Variants in CEP112 observed in about 807,000 individuals in gnomAD.
CEP112 encodes centrosomal protein 112.
A neutral mutation model predicts 153.0 loss-of-function variants in CEP112; 127 were observed. The observed-to-expected ratio is 0.83, with a 90% CI of 0.72 to 0.96. CEP112 has a LOEUF of 0.96. Among genes scored for constraint, CEP112 ranks in the 40% least tolerant of loss-of-function variants. The probability of loss-of-function intolerance (pLI) is 0.00; values close to 1 mark genes in which losing one functional copy is unlikely to be tolerated. For missense variants in CEP112, 1,089 were observed against 1,101.2 expected (o/e 0.99, Z 0.16); for synonymous variants, 358 against 374.4 (o/e 0.96, Z 0.51).
chr17:65,682,686 T>C (rs1157130563), intron 24 of CEP112, among the ~76,000 whole-genome samples: 5 of 151,994 alleles, frequency 3.3e-5, no homozygotes, highest in Admixed American at 2.0e-4. Flanking sequence ...AAACGAACTT[T>C]CTGGTCTTGT....
intron 21 of CEP112, among the ~76,000 whole-genome samples, chr17:65,792,485 C>T (rs554909223): frequency 6.6e-6 from 1 of 151,850 alleles, no homozygotes; most frequent in Non-Finnish European, 1.5e-5. Flanking sequence ...CAATGCAGAA[C>T]AAGTTACATA....
intron 21 of CEP112, among the ~76,000 whole-genome samples, chr17:65,808,934 T>C (rs982712336): frequency 1.3e-5 from 2 of 152,196 alleles, no homozygotes; most frequent in African/African-American, 4.8e-5. Context: ...GTGGGTGTGA[T>C]ACAAAATTGA....
intron 4 of CEP112, 79 bp from the exon 5 acceptor site, chr17:66,132,842 C>T (rs766573766): frequency 5.2e-6 from 5 of 965,874 alleles, no homozygotes; most frequent in Non-Finnish European, 6.6e-6. Flanking sequence ...ATTACCATTT[C>T]TTTCCCTTGG....
chr17:65,649,073 AACACACACACACACACACAC>A lies in CEP112; in HGVS notation c.2698-8028_2698-8009del, dbSNP rs71158400. ...CTCAAAACAAACAAACAAACAAACA[AACACACACACACACACACAC>A]ACACACACACACACACACACACACA... On this transcript the variant is annotated intron_variant, in intron 24 of 26. Coordinates refer to ENST00000535342, the MANE Select transcript of CEP112 (RefSeq NM_001199165.4). 2.5e-3 allele frequency among the ~76,000 whole-genome samples: 351 copies of A among 139,950 alleles called. 2 individuals carry two copies. The highest frequency in any genetic ancestry group is 8.2e-3 in the African/African-American group (317 of 38,810). 91.8% of individuals were successfully genotyped at this position (139,950 alleles called of 152,430 possible). A position where few individuals can be genotyped will look rare whatever the true frequency, so the allele number is the denominator to read the frequency against.
chr17:65,660,509 T>TCCTTCCTTCTTC, intron 24 of CEP112, among the ~76,000 whole-genome samples: 1 of 128,990 alleles, frequency 7.8e-6, no homozygotes, highest in Non-Finnish European at 1.6e-5. Context: ...CTTCCTTCCT[T>TCCTTCCTTCTTC]CCTTCCTTCT....
intron 18 of CEP112, among the ~76,000 whole-genome samples, chr17:65,956,977 T>C (rs1478157622): frequency 3.9e-5 from 6 of 152,136 alleles, no homozygotes; most frequent in Non-Finnish European, 8.8e-5. Context: ...AGGTAGGGTA[T>C]ACAGCATGGA....
At chr17:66,057,520 T>C (rs2066741707) in intron 11 of CEP112, among the ~76,000 whole-genome samples, 1 of 151,934 alleles carries the variant, frequency 6.6e-6, no homozygotes, top group Non-Finnish European at 1.5e-5. Context: ...CAAGGAGAGA[T>C]TTTAAATAGG....
intron 21 of CEP112, among the ~76,000 whole-genome samples, chr17:65,839,008 A>T (rs1230206222): frequency 6.6e-6 from 1 of 152,202 alleles, no homozygotes; most frequent in Non-Finnish European, 1.5e-5. Context: ...TTGAAGCAGT[A>T]ATAAAATCTT....
chr17:65,901,901 G>C (rs1209772574), intron 20 of CEP112, among the ~76,000 whole-genome samples: 1 of 141,640 alleles, frequency 7.1e-6, no homozygotes, highest in Non-Finnish European at 1.5e-5. Flanking sequence ...TCATAAAAAA[G>C]GGGGCCAAGT....
intron 17 of CEP112, among the ~76,000 whole-genome samples, chr17:65,986,850 T>C (rs1233414547): frequency 4.6e-5 from 7 of 152,110 alleles, no homozygotes; most frequent in Middle Eastern, 3.2e-3. Context: ...ATTATACAAG[T>C]TGACATGGAG....
intron 6 of CEP112, among the ~76,000 whole-genome samples, chr17:66,119,041 C>T (rs766449623): frequency 6.6e-6 from 1 of 152,116 alleles, no homozygotes; most frequent in Non-Finnish European, 1.5e-5. Context: ...TATGTCTTTG[C>T]AGGGACATGG....
intron 20 of CEP112, among the ~76,000 whole-genome samples, chr17:65,878,703 T>C (rs964876201): frequency 2.6e-5 from 4 of 151,848 alleles, no homozygotes; most frequent in African/African-American, 7.3e-5. Context: ...GCTCTGGTAC[T>C]ATAAAGATGG....
At chr17:65,709,323 C>T (rs2049061978) in intron 23 of CEP112, among the ~76,000 whole-genome samples, 1 of 152,156 alleles carries the variant, frequency 6.6e-6, no homozygotes, top group African/African-American at 2.4e-5. Context: ...TAAAGACATA[C>T]CTGAGACTGG....
chr17:65,741,670 T>C (rs183563708), intron 23 of CEP112, among the ~76,000 whole-genome samples: 2 of 152,068 alleles, frequency 1.3e-5, no homozygotes, highest in East Asian at 1.9e-4. Flanking sequence ...ATATTTTCCA[T>C]TTTTGCTTAT....
intron 21 of CEP112, among the ~76,000 whole-genome samples, chr17:65,822,248 T>C (rs939014904): frequency 1.3e-5 from 2 of 151,996 alleles, no homozygotes; most frequent in Non-Finnish European, 2.9e-5. Context: ...TATATTGTTG[T>C]TATAAAAAAA....
At chr17:65,778,506 T>C (rs2053812011) in intron 21 of CEP112, among the ~76,000 whole-genome samples, 1 of 152,200 alleles carries the variant, frequency 6.6e-6, no homozygotes, top group African/African-American at 2.4e-5. Context: ...AAATGTGTCT[T>C]CTTTCTGAAT....
chr17:65,710,672 T>C (rs2049132731), intron 23 of CEP112, among the ~76,000 whole-genome samples: 1 of 152,198 alleles, frequency 6.6e-6, no homozygotes, highest in Admixed American at 6.5e-5. Flanking sequence ...AAACCTCTTA[T>C]GTAAGAGGAA....
chr17:66,073,495 C>T (rs1244001066), intron 8 of CEP112, among the ~76,000 whole-genome samples: 2 of 152,210 alleles, frequency 1.3e-5, no homozygotes, highest in Non-Finnish European at 2.9e-5. Context: ...AATAACAAAA[C>T]ATTACTGCTA....
In CEP112 at chr17:65,769,955, C is replaced by T. The variant is rs192459135; in HGVS notation, c.2395-19231G>A. Among the ~76,000 whole-genome samples the T allele has an allele frequency of 7.7e-3, 1,175 of 151,964 alleles. 11 individuals carry two copies. The highest frequency in any genetic ancestry group is 0.012 in the Non-Finnish European group (842 of 67,896). ...TAACATTTTAAATATCCAAATGGTTCCCAGAGAGACAAGGAGTAAGTTTAC... is the reference window on the plus strand; with the variant it reads ...TAACATTTTAAATATCCAAATGGTTTCCAGAGAGACAAGGAGTAAGTTTAC... On this transcript the variant is annotated intron_variant, in intron 21 of 26. Coordinates refer to ENST00000535342, the MANE Select transcript of CEP112 (RefSeq NM_001199165.4).
Sources: allele counts gnomAD v4.1 joint callset (sites outside exome capture counted in the v4.1 genomes callset), GRCh38; gene constraint gnomAD v4.1.1; transcripts MANE v1.5; gene names NCBI Gene and HGNC (gene_info 2026-07-23, HGNC 2026-07-21).